ALG9: variants seen among roughly 807,000 people sequenced by gnomAD.
ALG9 encodes alpha-1,2-mannosyltransferase ALG9.
Under a neutral mutation model 81.8 loss-of-function variants are expected in ALG9, and 55 were observed. The ratio of observed to expected loss-of-function variants is 0.67; its 90% confidence interval spans 0.54 to 0.84. The LOEUF is 0.84. Among genes scored for constraint, ALG9 ranks in the 40% least tolerant of loss-of-function variants. The probability of loss-of-function intolerance (pLI) is 0.00; values close to 1 mark genes in which losing one functional copy is unlikely to be tolerated. For missense variants in ALG9, 629 were observed against 745.0 expected, an observed-to-expected ratio of 0.84 and a Z score of 1.81; for synonymous variants, 278 against 274.3, an observed-to-expected ratio of 1.01 and a Z score of -0.13.
chr11:111,805,061 T>C (rs1949718330), intron 14 of ALG9: 1 of 320,438 alleles, frequency 3.1e-6, no homozygotes, highest in South Asian at 2.6e-5. Flanking sequence ...TTGTGTCCCC[T>C]CAAAATTCAT....
At chr11:111,862,230 CT>C (rs1273334421) in intron 4 of ALG9, among the ~76,000 whole-genome samples, 36 of 143,574 alleles carry the variant, frequency 2.5e-4, no homozygotes, top group African/African-American at 8.5e-4. Context: ...TTACATGTTT[CT>C]TTTTTTTCTT....
chr11:111,818,382 T>A (rs887612489), intron 13 of ALG9, among the ~76,000 whole-genome samples: 1 of 152,140 alleles, frequency 6.6e-6, no homozygotes, highest in Non-Finnish European at 1.5e-5. Context: ...GCCATAATAA[T>A]CTTGTGGGAC....
intron 9 of ALG9, 63 bp from the exon 10 acceptor site, chr11:111,840,872 T>C (rs782036721): frequency 4.4e-6 from 7 of 1,595,078 alleles, no homozygotes; most frequent in Non-Finnish European, 6.0e-6. Flanking sequence ...TATTTAGTTT[T>C]AGTGTTATCT....
chr11:111,837,311 G>A (rs1345256428), intron 12 of ALG9, among the ~76,000 whole-genome samples, 157 bp downstream of exon 12: 1 of 152,104 alleles, frequency 6.6e-6, no homozygotes, highest in Non-Finnish European at 1.5e-5. Context: ...CAGGAGGCAG[G>A]TACACAGTAC....
At chr11:111,866,309 A>C (rs547205272) in intron 3 of ALG9, among the ~76,000 whole-genome samples, 1 of 152,304 alleles carries the variant, frequency 6.6e-6, no homozygotes, top group Non-Finnish European at 1.5e-5. Flanking sequence ...AACAAACAAA[A>C]AAAATGGGCC....
At chr11:111,844,848 C>T in intron 8 of ALG9, 125 bp from the exon 9 acceptor site, 1 of 996,280 alleles carries the variant, frequency 1.0e-6, no homozygotes, top group Admixed American at 1.7e-5. Context: ...AATGAGAGTG[C>T]ACAGCCCACT....
chr11:111,831,412 C>T (rs1954353897), intron 13 of ALG9, among the ~76,000 whole-genome samples: 1 of 152,024 alleles, frequency 6.6e-6, no homozygotes, highest in South Asian at 2.1e-4. Flanking sequence ...GTGGGAAGAT[C>T]GATTGAGCCC....
the ALG9 span, among the ~76,000 whole-genome samples, chr11:111,773,088 A>T: frequency 6.6e-6 from 1 of 152,084 alleles, no homozygotes. Context: ...AAAAAAAAAA[A>T]TACAGAAGTT....
the ALG9 span, among the ~76,000 whole-genome samples, chr11:111,773,190 C>A: frequency 2.0e-5 from 3 of 152,108 alleles, no homozygotes; most frequent in Non-Finnish European, 4.4e-5. Flanking sequence ...TGTACAGGCC[C>A]CAGTTCTCTA....
At chr11:111,786,586 T>G in intron 14 of ALG9, 66 bp from the exon 15 acceptor site, 2 of 1,538,098 alleles carry the variant, frequency 1.3e-6, no homozygotes, top group East Asian at 4.6e-5. Context: ...GTACTAAATG[T>G]GATTAAAATA....
At chr11:111,781,304 CA>C (rs1179005946), downstream of ALG9, among the ~76,000 whole-genome samples, 3 of 151,624 alleles carry the variant, frequency 2.0e-5, no homozygotes, top group African/African-American at 7.3e-5. Flanking sequence ...AATTCATTTA[CA>C]AAAAAAAATT....
Position 111,784,612 on chromosome 11 carries a change from G to A in ALG9, c.*1785C>T, listed in dbSNP as rs1946278267. Reference sequence around the variant, plus strand: ...GCATGCCTGTAATCCCAGCTACTCGGGTGGCTGAGGCATGAGAATTGCTTC... The same window carrying A: ...GCATGCCTGTAATCCCAGCTACTCGAGTGGCTGAGGCATGAGAATTGCTTC... On this transcript the variant is annotated 3_prime_UTR_variant, in exon 15 of 15. Coordinates refer to ENST00000616540, the MANE Select transcript of ALG9 (RefSeq NM_024740.2). The A allele has an allele frequency of 6.6e-6, 1 of 152,220 alleles. No homozygotes were observed. The highest frequency in any genetic ancestry group is 1.9e-4 in the East Asian group (1 of 5,194). The allele number at this position is 152,220 out of a possible 1,614,324, so 9.4% of individuals were successfully genotyped here.
In ALG9 at chr11:111,822,207, G is replaced by A. The variant is rs1474489582; in HGVS notation, c.1603-12434C>T. 7.5e-5 allele frequency among the ~76,000 whole-genome samples: 10 copies of A among 133,624 alleles called. No homozygotes were observed. In the East Asian group the frequency reaches 2.0e-3, roughly 27 times the overall value. 87.7% of individuals were successfully genotyped at this position (133,624 alleles called of 152,430 possible). On this transcript the variant is annotated intron_variant, in intron 13 of 14. Transcript: ENST00000616540. Reference sequence around the variant, plus strand: ...AGATTGCTTGAGCCCATGAGTTTGAGTCCAGCAATGGGCAGCAGGGTGAAA... The same window carrying A: ...AGATTGCTTGAGCCCATGAGTTTGAATCCAGCAATGGGCAGCAGGGTGAAA...
At chr11:111,825,712 AAG>A (rs1953123166) in intron 13 of ALG9, among the ~76,000 whole-genome samples, 1 of 152,174 alleles carries the variant, frequency 6.6e-6, no homozygotes, top group South Asian at 2.1e-4. Context: ...CTCTGAGGGC[AAG>A]ATTTATGTCC....
chr11:111,856,715 CAGG>C, intron 6 of ALG9, among the ~76,000 whole-genome samples: 1 of 149,564 alleles, frequency 6.7e-6, no homozygotes. Context: ...ACCTGTGGTA[CAGG>C]TAAGAAATTA....
chr11:111,859,227 C>T (rs2007211), intron 5 of ALG9, among the ~76,000 whole-genome samples: 44,770 of 151,956 alleles, frequency 0.29, 7,472 homozygotes, highest in East Asian at 0.59. Context: ...AAAGAGGCCA[C>T]GTGCGGTGGC....
chr11:111,841,664 T>C (rs781856069), intron 9 of ALG9, among the ~76,000 whole-genome samples: 27 of 152,202 alleles, frequency 1.8e-4, no homozygotes, highest in Non-Finnish European at 3.1e-4. Context: ...GTGTCCACCA[T>C]GTTAACAGTA....
intron 1 of ALG9, chr11:111,870,652 G>C (rs1228696550): frequency 1.2e-6 from 1 of 851,112 alleles, no homozygotes; most frequent in East Asian, 6.5e-5. Flanking sequence ...GCCTTCTGAA[G>C]AATTGACTTT....
chr11:111,789,819 C>CAA (rs573026506), intron 14 of ALG9, among the ~76,000 whole-genome samples: 14 of 113,108 alleles, frequency 1.2e-4, no homozygotes, highest in Admixed American at 2.8e-4. Flanking sequence ...GACTCTGTCT[C>CAA]AAAAAAAAAA....
Sources: allele counts gnomAD v4.1 joint callset (sites outside exome capture counted in the v4.1 genomes callset), GRCh38; gene constraint gnomAD v4.1.1; transcripts MANE v1.5; gene names NCBI Gene and HGNC (gene_info 2026-07-23, HGNC 2026-07-21).